Variants in PDE4D observed in about 807,000 individuals in gnomAD.
PDE4D encodes 3',5'-cyclic-AMP phosphodiesterase 4D.
Under a neutral mutation model 87.4 loss-of-function variants are expected in PDE4D, and 24 were observed. The observed-to-expected ratio is 0.27, with a 90% CI of 0.20 to 0.39. PDE4D has a LOEUF of 0.39. Among genes scored for constraint, PDE4D ranks in the 10% least tolerant of loss-of-function variants. The pLI is 1.00. For missense variants in PDE4D, 714 were observed against 1,041.0 expected (o/e 0.69, Z 4.32); for synonymous variants, 384 against 383.2 (o/e 1.00, Z -0.02).
At chr5:59,244,668 ATGTGTGTGTGTCTGTGTG>A (rs1289541159) in intron 1 of PDE4D, among the ~76,000 whole-genome samples, 133 of 107,038 alleles carry the variant, frequency 1.2e-3, no homozygotes, top group Middle Eastern at 9.1e-3. Flanking sequence ...ATATGTATGT[ATGTGTGTGTGTCTGTGTG>A]TGTGTGTGTG....
intron 3 of PDE4D, among the ~76,000 whole-genome samples, chr5:59,914,866 G>GGGGTGTGTGTGTGT (rs1342565323): frequency 5.7e-5 from 7 of 122,540 alleles, no homozygotes; most frequent in Admixed American, 5.2e-4. Flanking sequence ...TACTGATAGG[G>GGGGTGTGTGTGTGT]GTGTGTGTGT....
At chr5:60,269,535 A>C (rs112145400) in intron 1 of PDE4D, among the ~76,000 whole-genome samples, 4 of 152,210 alleles carry the variant, frequency 2.6e-5, no homozygotes, top group African/African-American at 4.8e-5. Context: ...TGCTGTGAAC[A>C]TTCTTAAAAG....
intron 1 of PDE4D, among the ~76,000 whole-genome samples, chr5:60,436,140 A>C (rs1361346898): frequency 6.6e-6 from 1 of 152,094 alleles, no homozygotes; most frequent in African/African-American, 2.4e-5. Flanking sequence ...GAATATTGAT[A>C]ATTTGTGAAT....
chr5:59,626,075 G>A (rs935422188), intron 1 of PDE4D, among the ~76,000 whole-genome samples: 3 of 152,136 alleles, frequency 2.0e-5, no homozygotes, highest in Non-Finnish European at 2.9e-5. Context: ...GTGAAAGAGT[G>A]AGACTCCGTC....
rs528735695 is a variant in PDE4D at position 59,976,456 on chromosome 5, T to C, written c.272+12032A>G. Among the ~76,000 whole-genome samples the C allele has an allele frequency of 2.6e-5, 4 of 152,234 alleles. No homozygotes were observed. The South Asian group carries it at 8.3e-4, about 32-fold the overall frequency. The stretch of plus-strand genomic sequence containing the variant: ...CTAATTGTTTAAAGAATATGGCACC[T>C]GCCCCCTCTCTTATTCCCTCTCTTG... On this transcript the variant is annotated intron_variant, in intron 3 of 16. Transcript: ENST00000502484.
chr5:59,112,304 CAG>C (rs1554071912), intron 5 of PDE4D, among the ~76,000 whole-genome samples: 4 of 152,138 alleles, frequency 2.6e-5, no homozygotes, highest in African/African-American at 7.2e-5. Context: ...AGAGATGAAA[CAG>C]GGGTCAAATT....
At chr5:59,272,237 TTA>T (rs1225210619) in intron 1 of PDE4D, among the ~76,000 whole-genome samples, 1 of 152,044 alleles carries the variant, frequency 6.6e-6, no homozygotes, top group African/African-American at 2.4e-5. Context: ...AAACTTCTCT[TTA>T]TATTTATATT....
intron 5 of PDE4D, among the ~76,000 whole-genome samples, chr5:59,161,559 CTTAAGGT>C (rs1447976243): frequency 1.3e-5 from 2 of 152,102 alleles, no homozygotes. Flanking sequence ...TCTTATCAGA[CTTAAGGT>C]CTGTGGTGAT....
chr5:60,061,629 A>T lies in PDE4D; in HGVS notation c.43-72912T>A, dbSNP rs150983408. ...TAAAAGAGCCCGTATAGCCAAAACAATTCTAAGCAAAAAGAATAAAGCTGG... is the reference window on the plus strand; with the variant it reads ...TAAAAGAGCCCGTATAGCCAAAACATTTCTAAGCAAAAAGAATAAAGCTGG... On this transcript the variant is annotated intron_variant, in intron 2 of 16. Coordinates refer to the PDE4D transcript ENST00000502484. 4.3e-3 allele frequency among the ~76,000 whole-genome samples: 659 copies of T among 152,320 alleles called. 5 individuals are homozygous for T. The highest frequency in any genetic ancestry group is 0.015 in the African/African-American group (640 of 41,570).
intron 1 of PDE4D, among the ~76,000 whole-genome samples, chr5:59,360,265 T>G (rs1261092254): frequency 6.6e-6 from 1 of 152,174 alleles, no homozygotes; most frequent in Non-Finnish European, 1.5e-5. Context: ...AGACGAGGGT[T>G]GAGCTGAACT....
At chr5:59,902,645 T>C (rs184351211) in intron 3 of PDE4D, among the ~76,000 whole-genome samples, 10 of 152,188 alleles carry the variant, frequency 6.6e-5, no homozygotes, top group Middle Eastern at 3.4e-3. Flanking sequence ...ATGCTGAATA[T>C]TGTATAAGAA....
chr5:60,296,392 G>GA (rs1292099546), intron 1 of PDE4D, among the ~76,000 whole-genome samples: 3 of 151,986 alleles, frequency 2.0e-5, no homozygotes, highest in Non-Finnish European at 4.4e-5. Context: ...CACAATTAGA[G>GA]AAAATGTCTT....
At chr5:60,295,558 C>T (rs1753303819) in intron 1 of PDE4D, among the ~76,000 whole-genome samples, 1 of 152,126 alleles carries the variant, frequency 6.6e-6, no homozygotes. Context: ...CCGTGCACTG[C>T]AGGATGTTTA....
intron 1 of PDE4D, among the ~76,000 whole-genome samples, chr5:59,440,250 G>A (rs1333144227): frequency 6.6e-6 from 1 of 152,116 alleles, no homozygotes; most frequent in Non-Finnish European, 1.5e-5. Flanking sequence ...GGCAATAATG[G>A]AAAACATAAA....
At chr5:59,285,003 A>C in intron 1 of PDE4D, among the ~76,000 whole-genome samples, 1 of 94,996 alleles carries the variant, frequency 1.1e-5, no homozygotes, top group African/African-American at 4.1e-5. Context: ...ATAGGTGGGA[A>C]TTGAACAATG....
At chr5:58,999,545 GATTA>G in intron 6 of PDE4D, 1 of 1,437,048 alleles carries the variant, frequency 7.0e-7, no homozygotes, top group South Asian at 1.2e-5. Flanking sequence ...ATTTTTGATT[GATTA>G]TATGTATATA....
At chr5:59,195,990 AG>A (rs1046365674) in intron 2 of PDE4D, among the ~76,000 whole-genome samples, 3 of 152,172 alleles carry the variant, frequency 2.0e-5, no homozygotes, top group Non-Finnish European at 4.4e-5. Flanking sequence ...ACCAGTGTAG[AG>A]AAAAGAAGAG....
At chr5:59,160,198 T>C (rs886913920) in intron 5 of PDE4D, among the ~76,000 whole-genome samples, 5 of 152,334 alleles carry the variant, frequency 3.3e-5, no homozygotes, top group African/African-American at 1.2e-4. Context: ...AATTCAGCCT[T>C]AGAATCCAGG....
At chr5:59,061,382 T>G (rs1763086185) in intron 5 of PDE4D, among the ~76,000 whole-genome samples, 2 of 152,172 alleles carry the variant, frequency 1.3e-5, no homozygotes, top group South Asian at 4.1e-4. Context: ...CATGACTATC[T>G]TATTTATTAC....
Sources: allele counts gnomAD v4.1 joint callset (sites outside exome capture counted in the v4.1 genomes callset), GRCh38; gene constraint gnomAD v4.1.1; transcripts MANE v1.5; gene names NCBI Gene and HGNC (gene_info 2026-07-23, HGNC 2026-07-21).